The following ARID2 variants were observed in gnomAD, a reference collection of about 807,000 sequenced individuals.
ARID2 encodes the protein AT-rich interaction domain 2.
A neutral mutation model predicts 184.6 loss-of-function variants in ARID2; 32 were observed. The ratio of observed to expected loss-of-function variants is 0.17; its 90% CI spans 0.13 to 0.23. The LOEUF is 0.23. Ranked by LOEUF, ARID2 falls within the 10% of genes least tolerant of loss-of-function variation. ARID2 has a pLI of 1.00. For synonymous variants in ARID2, 836 were observed against 772.6 expected (o/e 1.08, Z -1.36); for missense variants, 1,696 against 2,197.6 (o/e 0.77, Z 4.56).
intron 6 of ARID2, among the ~76,000 whole-genome samples, chr12:45,832,513 G>A (rs193020881): frequency 6.6e-5 from 10 of 151,476 alleles, no homozygotes; most frequent in Admixed American, 6.6e-4. Context: ...GTCTTGCTTC[G>A]CTACCCAGGC....
At chr12:45,822,807 A>G (rs1466226988) in intron 6 of ARID2, among the ~76,000 whole-genome samples, 2 of 152,162 alleles carry the variant, frequency 1.3e-5, no homozygotes, top group African/African-American at 2.4e-5. Context: ...TGCACTCAAC[A>G]CTGGAGGCCC....
chr12:45,889,068 G>T (rs1201968008), intron 16 of ARID2, among the ~76,000 whole-genome samples: 3 of 152,136 alleles, frequency 2.0e-5, no homozygotes, highest in Non-Finnish European at 4.4e-5. Context: ...CGTAATCCCA[G>T]CTACTCGGGA....
At chr12:45,738,391 T>A (rs7315365) in intron 3 of ARID2, among the ~76,000 whole-genome samples, 5,014 of 152,290 alleles carry the variant, frequency 0.033, 275 homozygotes, top group African/African-American at 0.11. Context: ...CTTGGCTCAC[T>A]GCAACCTTCA....
At chr12:45,827,405 A>G (rs1433523124) in intron 6 of ARID2, among the ~76,000 whole-genome samples, 2 of 152,140 alleles carry the variant, frequency 1.3e-5, no homozygotes, top group Non-Finnish European at 2.9e-5. Context: ...ATTTGGTAAA[A>G]TATTTTGTAC....
chr12:45,871,002 ATAAAGAC>A (rs1943918136), intron 16 of ARID2, among the ~76,000 whole-genome samples: 1 of 152,234 alleles, frequency 6.6e-6, no homozygotes, highest in Non-Finnish European at 1.5e-5. Context: ...GGATCATATG[ATAAAGAC>A]TATGCTTAAC....
intron 5 of ARID2, among the ~76,000 whole-genome samples, chr12:45,820,273 T>C (rs1462177745): frequency 2.0e-5 from 3 of 152,210 alleles, no homozygotes; most frequent in Non-Finnish European, 4.4e-5. Context: ...CATTAGTAAA[T>C]ATAATTTATG....
chr12:45,775,708 T>C (rs896745624), intron 3 of ARID2, among the ~76,000 whole-genome samples: 1 of 152,234 alleles, frequency 6.6e-6, no homozygotes, highest in Non-Finnish European at 1.5e-5. Flanking sequence ...ACTTTAGGTA[T>C]GCTCTAAAAT....
intron 16 of ARID2, among the ~76,000 whole-genome samples, chr12:45,877,049 G>A (rs895987449): frequency 9.1e-5 from 13 of 142,826 alleles, no homozygotes; most frequent in African/African-American, 2.4e-4. Flanking sequence ...CCCAGATCAC[G>A]CCACTGCACT....
chr12:45,782,647 A>C (rs1324900048), intron 3 of ARID2, among the ~76,000 whole-genome samples: 1 of 152,016 alleles, frequency 6.6e-6, no homozygotes, highest in Admixed American at 6.6e-5. Context: ...AATTTTTTTG[A>C]ATCAAAATTT....
At chr12:45,789,121 A>G (rs1300177096) in intron 3 of ARID2, 1 of 152,210 alleles carries the variant, frequency 6.6e-6, no homozygotes, top group Non-Finnish European at 1.5e-5. Context: ...GGCAGTGTGG[A>G]TTCAAATCCT....
At chr12:45,830,000 ATCT>A (rs1426463416) in intron 6 of ARID2, among the ~76,000 whole-genome samples, 2 of 148,046 alleles carry the variant, frequency 1.4e-5, no homozygotes, top group African/African-American at 2.5e-5. Flanking sequence ...TGCCCTTTTG[ATCT>A]TCTTTTTTAT....
intron 3 of ARID2, among the ~76,000 whole-genome samples, chr12:45,799,242 A>G (rs1942450005): frequency 1.3e-5 from 2 of 152,138 alleles, no homozygotes; most frequent in African/African-American, 2.4e-5. Flanking sequence ...CTTAATAAGT[A>G]TTTGTTGAAT....
intron 3 of ARID2, among the ~76,000 whole-genome samples, chr12:45,757,361 T>C (rs921140227): frequency 1.3e-5 from 2 of 152,182 alleles, no homozygotes; most frequent in African/African-American, 4.8e-5. Flanking sequence ...GCACATATTG[T>C]CCCATCTCTT....
At chr12:45,849,095 A>T (rs1220109936) in intron 13 of ARID2, 125 bp downstream of exon 13, 45 of 1,098,210 alleles carry the variant, frequency 4.1e-5, no homozygotes, top group Admixed American at 8.1e-5. Flanking sequence ...TTTCGTATGG[A>T]TAGGTTATAG....
At chr12:45,901,303 TGGGACTACA>T (rs1944455218) in intron 20 of ARID2, among the ~76,000 whole-genome samples, 1 of 151,294 alleles carries the variant, frequency 6.6e-6, no homozygotes, top group African/African-American at 2.4e-5. Context: ...CTGGAGTAGC[TGGGACTACA>T]GGCGCCCACC....
At chr12:45,878,179 T>G (rs1352586857) in intron 16 of ARID2, among the ~76,000 whole-genome samples, 1 of 152,182 alleles carries the variant, frequency 6.6e-6, no homozygotes, top group African/African-American at 2.4e-5. Flanking sequence ...TTTGGAAGTT[T>G]GAATATGATG....
chr12:45,747,425 T>C (rs1051931659), intron 3 of ARID2, among the ~76,000 whole-genome samples: 2 of 152,186 alleles, frequency 1.3e-5, no homozygotes, highest in African/African-American at 4.8e-5. Flanking sequence ...TTGTGAGTTA[T>C]AGTGTACTGC....
chr12:45,809,737 G>A (rs771435450), intron 3 of ARID2, among the ~76,000 whole-genome samples: 6 of 152,164 alleles, frequency 3.9e-5, no homozygotes, highest in Non-Finnish European at 7.3e-5. Flanking sequence ...TTAGGCTTAT[G>A]TGGGGAACTT....
intron 3 of ARID2, among the ~76,000 whole-genome samples, chr12:45,757,788 G>C (rs1941596781): frequency 6.6e-6 from 1 of 152,168 alleles, no homozygotes. Context: ...ACACTTCAGT[G>C]CAAATTCTTC....
Sources: gnomAD v4.1 joint callset for allele counts (sites outside exome capture counted in the v4.1 genomes callset) on GRCh38, gnomAD v4.1.1 for gene constraint, MANE v1.5 for transcripts, NCBI Gene and HGNC (gene_info 2026-07-23, HGNC 2026-07-21) for gene names.